NAV1: variants seen among roughly 807,000 people sequenced by gnomAD.
NAV1 encodes the protein pore membrane and/or filament interacting like protein 3.
In NAV1, 18 loss-of-function variants were observed where a neutral mutation model predicts 175.2. That is an observed-to-expected ratio of 0.10 (90% CI 0.07 to 0.15). NAV1 has a LOEUF of 0.15. Among genes scored for constraint, NAV1 ranks in the 10% least tolerant of loss-of-function variants. NAV1 has a pLI of 1.00. For synonymous variants in NAV1, 897 were observed against 978.7 expected (o/e 0.92, Z 1.56); for missense variants, 1,731 against 2,436.6 (o/e 0.71, Z 6.10).
chr1:201,648,428 G>A (rs2102329807), exon 1 of NAV1: 1 of 1,228,740 alleles, frequency 8.1e-7, no homozygotes. Flanking sequence ...TCGCTCCCCG[G>A]CTTCCCTGCT....
At chr1:201,670,881 T>C (rs1190187892) in intron 1 of NAV1, among the ~76,000 whole-genome samples, 1 of 151,784 alleles carries the variant, frequency 6.6e-6, no homozygotes, top group Non-Finnish European at 1.5e-5. Context: ...GTGATGGTGG[T>C]AGAGATGATG....
At chr1:201,650,491 A>G (rs1669155213) in intron 1 of NAV1, among the ~76,000 whole-genome samples, 1 of 151,912 alleles carries the variant, frequency 6.6e-6, no homozygotes, top group African/African-American at 2.4e-5. Flanking sequence ...GCGCCGAGGG[A>G]CCCGAGCTTC....
At chr1:201,663,647 G>A (rs1176898414) in intron 1 of NAV1, among the ~76,000 whole-genome samples, 1 of 152,228 alleles carries the variant, frequency 6.6e-6, no homozygotes, top group Non-Finnish European at 1.5e-5. Context: ...CATCTGGGGA[G>A]GAACGAGGCC....
At chr1:201,743,145 A>G (rs1270275591) in intron 3 of NAV1, among the ~76,000 whole-genome samples, 5 of 152,220 alleles carry the variant, frequency 3.3e-5, no homozygotes, top group Non-Finnish European at 5.9e-5. Context: ...AGATCACAGT[A>G]GTGGGATTTG....
intron 1 of NAV1, among the ~76,000 whole-genome samples, chr1:201,690,196 T>C (rs1238148209): frequency 7.1e-6 from 1 of 141,008 alleles, no homozygotes; most frequent in Non-Finnish European, 1.5e-5. Flanking sequence ...GCTGGCTATT[T>C]CCTCTCTGGC....
exon 30 of NAV1, chr1:201,821,315 G>A (rs1679364019): frequency 6.6e-6 from 1 of 152,524 alleles, no homozygotes; most frequent in South Asian, 2.1e-4. Flanking sequence ...GAACATCCAT[G>A]TGAGATCATC....
rs760768596 is a variant in NAV1 at position 201,790,686 on chromosome 1, C to T, written c.3244-3C>T. On this transcript the variant is annotated splice_polypyrimidine_tract_variant and splice_region_variant and intron_variant, in intron 12 of 29. Coordinates refer to ENST00000367296, the Ensembl canonical transcript of NAV1. ...GTAGTTTGTATTTCTCTTCCTTTTACAGCAAATCCGGAAGCTTCGTAGGGA... is the reference window on the plus strand; with the variant it reads ...GTAGTTTGTATTTCTCTTCCTTTTATAGCAAATCCGGAAGCTTCGTAGGGA... 2.1e-5 allele frequency: 34 copies of T among 1,614,128 alleles called. No homozygotes were observed. Among genetic ancestry groups the T allele is most frequent in the Non-Finnish European group, 2.5e-5 (30 of 1,180,026 alleles).
intron 3 of NAV1, among the ~76,000 whole-genome samples, chr1:201,776,956 C>A (rs1354724341): frequency 6.6e-6 from 1 of 151,826 alleles, no homozygotes; most frequent in African/African-American, 2.4e-5. Context: ...CAAAAAAAAA[C>A]AGGTCACATA....
chr1:201,594,782 G>A (rs999972439), intron 2 of NAV1, among the ~76,000 whole-genome samples: 16 of 152,190 alleles, frequency 1.1e-4, no homozygotes, highest in African/African-American at 3.6e-4. Context: ...GGAAGGGCAG[G>A]CTCCACCCTG....
exon 1 of NAV1, chr1:201,649,240 C>T (rs139255180): frequency 1.6e-5 from 26 of 1,613,004 alleles, no homozygotes; most frequent in Non-Finnish European, 2.0e-5. Flanking sequence ...GCGCCTGAAG[C>T]GGCCGTGAGC....
intron 1 of NAV1, among the ~76,000 whole-genome samples, chr1:201,583,242 A>G (rs1666922297): frequency 6.6e-6 from 1 of 152,222 alleles, no homozygotes; most frequent in African/African-American, 2.4e-5. Flanking sequence ...CCGTGTTGGT[A>G]TAATAGCCCT....
At chr1:201,786,292 C>T (rs1376572376) in intron 8 of NAV1, 137 bp from the exon 13 acceptor site, 1 of 876,284 alleles carries the variant, frequency 1.1e-6, no homozygotes, top group Non-Finnish European at 1.8e-6. Flanking sequence ...CCTTGGGCAG[C>T]CCTGACCACT....
At chr1:201,692,781 G>A (rs186967336) in intron 1 of NAV1, among the ~76,000 whole-genome samples, 2 of 152,386 alleles carry the variant, frequency 1.3e-5, no homozygotes, top group Admixed American at 6.5e-5. Flanking sequence ...AGAATGAAAA[G>A]CATGGCCTGT....
intron 2 of NAV1, among the ~76,000 whole-genome samples, chr1:201,630,595 A>G (rs1049924715): frequency 7.2e-5 from 11 of 152,210 alleles, no homozygotes; most frequent in African/African-American, 2.2e-4. Flanking sequence ...GAGCCACTGC[A>G]ACCCTAAAAA....
intron 1 of NAV1, among the ~76,000 whole-genome samples, chr1:201,711,613 C>T (rs2102468376): frequency 6.6e-6 from 1 of 152,322 alleles, no homozygotes; most frequent in Admixed American, 6.5e-5. Flanking sequence ...AAGGGAGCAG[C>T]CTGGAGAGCC....
chr1:201,764,349 A>G (rs1403595470), intron 3 of NAV1, among the ~76,000 whole-genome samples: 1 of 152,208 alleles, frequency 6.6e-6, no homozygotes, highest in Admixed American at 6.5e-5. Context: ...TCAAGGTGCC[A>G]TCTGGGTTGG....
intron 1 of NAV1, among the ~76,000 whole-genome samples, chr1:201,574,900 G>A (rs988888456): frequency 1.3e-5 from 2 of 152,182 alleles, no homozygotes; most frequent in East Asian, 3.9e-4. Flanking sequence ...AGACTGGGGT[G>A]CTCATGGCAC....
Position 201,702,158 on chromosome 1 carries a change from A to C in NAV1, c.758-10659A>C, listed in dbSNP as rs11810145. 5.0e-3 allele frequency among the ~76,000 whole-genome samples: 768 copies of C among 152,310 alleles called. 5 individuals carry two copies. Among genetic ancestry groups the C allele is most frequent in the African/African-American group, 0.018 (732 of 41,566 alleles). ...CCACATATTGCATGATTACATTTCT[A>C]TGAAATGTCTAGAATAGGCAAACTC... On this transcript the variant is annotated intron_variant, in intron 1 of 29. Coordinates refer to ENST00000367296, the Ensembl canonical transcript of NAV1.
intron 1 of NAV1, among the ~76,000 whole-genome samples, chr1:201,691,793 G>A (rs148252817): frequency 7.9e-5 from 12 of 152,286 alleles, no homozygotes; most frequent in South Asian, 4.1e-4. Context: ...TCACAACTCC[G>A]TCCTGATAAA....
Sources: gnomAD v4.1 joint callset for allele counts (sites outside exome capture counted in the v4.1 genomes callset) on GRCh38, gnomAD v4.1.1 for gene constraint, MANE v1.5 for transcripts, NCBI Gene and HGNC (gene_info 2026-07-23, HGNC 2026-07-21) for gene names.